Variants in TRPC4 observed in about 807,000 individuals in gnomAD.
TRPC4 encodes the protein transient receptor potential cation channel subfamily C member 4.
In TRPC4, 49 loss-of-function variants were observed where a neutral mutation model predicts 99.4. The ratio of observed to expected loss-of-function variants is 0.49; its 90% CI spans 0.39 to 0.63. The LOEUF is 0.63. Ranked by LOEUF, TRPC4 falls within the 20% of genes least tolerant of loss-of-function variation. The pLI is 0.00. For synonymous variants in TRPC4, 454 were observed against 425.9 expected, an observed-to-expected ratio of 1.07 and a Z score of -0.81; for missense variants, 898 against 1,152.9, an observed-to-expected ratio of 0.78 and a Z score of 3.20.
In TRPC4 at chr13:37,707,309, C is replaced by A. The variant is rs114983517; in HGVS notation, c.898-14974G>T. 5.1e-3 allele frequency among the ~76,000 whole-genome samples: 778 copies of A among 152,224 alleles called. 10 individuals are homozygous for A. The highest frequency in any genetic ancestry group is 0.018 in the African/African-American group (755 of 41,534). ...TAGAACATATATGAATAGACTAAAG[C>A]AACTTGTATGTTTTGAGTAGGAAAC... On this transcript the variant is annotated intron_variant, in intron 3 of 10. Coordinates refer to ENST00000379705, the MANE Select transcript of TRPC4 (RefSeq NM_016179.4).
At chr13:37,828,043 C>G (rs879404639) in intron 1 of TRPC4, among the ~76,000 whole-genome samples, 1 of 152,158 alleles carries the variant, frequency 6.6e-6, no homozygotes, top group African/African-American at 2.4e-5. Context: ...TTCCAGGTGC[C>G]GTCCGTCACC....
intron 8 of TRPC4, among the ~76,000 whole-genome samples, chr13:37,646,543 C>T (rs1593425044): frequency 6.6e-6 from 1 of 152,050 alleles, no homozygotes; most frequent in African/African-American, 2.4e-5. Context: ...AGCCTGGCTT[C>T]GTTTTAGCTT....
chr13:37,808,845 C>A (rs1333367), intron 1 of TRPC4, among the ~76,000 whole-genome samples: 4 of 151,710 alleles, frequency 2.6e-5, no homozygotes, highest in East Asian at 1.9e-4. Context: ...TAATAAATAC[C>A]CAGCATGCTA....
chr13:37,656,760 AG>A (rs1378407414), intron 6 of TRPC4, among the ~76,000 whole-genome samples: 2 of 152,190 alleles, frequency 1.3e-5, no homozygotes, highest in Non-Finnish European at 2.9e-5. Context: ...ACTAAGAAGC[AG>A]AGAATTGAGG....
chr13:37,731,747 T>A (rs564681679), intron 3 of TRPC4, among the ~76,000 whole-genome samples: 1 of 152,250 alleles, frequency 6.6e-6, no homozygotes, highest in African/African-American at 2.4e-5. Flanking sequence ...ATTCCTTTCA[T>A]TAAAATAGTT....
At chr13:37,866,860 T>TGGGGGGG in intron 1 of TRPC4, among the ~76,000 whole-genome samples, 1 of 78,694 alleles carries the variant, frequency 1.3e-5, no homozygotes, top group South Asian at 3.8e-4. Context: ...GGGGGGCGGG[T>TGGGGGGG]ATAGGGTATA....
chr13:37,710,667 A>G (rs1019632157), intron 3 of TRPC4, among the ~76,000 whole-genome samples: 9 of 151,924 alleles, frequency 5.9e-5, no homozygotes, highest in African/African-American at 2.2e-4. Flanking sequence ...TTCTACTTCC[A>G]AACACATTAT....
At chr13:37,666,879 C>T (rs1952662235) in intron 5 of TRPC4, among the ~76,000 whole-genome samples, 1 of 152,122 alleles carries the variant, frequency 6.6e-6, no homozygotes, top group Admixed American at 6.5e-5. Flanking sequence ...TGGGTGTTTT[C>T]CAGGATTTCA....
At chr13:37,818,375 T>C (rs546522355) in intron 1 of TRPC4, among the ~76,000 whole-genome samples, 5 of 152,182 alleles carry the variant, frequency 3.3e-5, no homozygotes, top group Non-Finnish European at 5.9e-5. Context: ...AGTTCAACCA[T>C]TGGGGAAGAC....
intron 1 of TRPC4, among the ~76,000 whole-genome samples, chr13:37,823,224 C>T (rs1354584068): frequency 3.4e-5 from 5 of 148,206 alleles, no homozygotes; most frequent in African/African-American, 1.2e-4. Flanking sequence ...TGTAGGTTGC[C>T]TGTTCACTCT....
Position 37,842,731 on chromosome 13 carries a change from A to G in TRPC4, c.-28+26864T>C, listed in dbSNP as rs183448295. 8.5e-5 allele frequency among the ~76,000 whole-genome samples: 13 copies of G among 152,306 alleles called. 1 individual carries two copies. In the East Asian group the frequency reaches 2.5e-3, roughly 29 times the overall value. On this transcript the variant is annotated intron_variant, in intron 1 of 10. Transcript: ENST00000379705. ...CCCCTCATGACCCAATAACTTTCCA[A>G]AGGCCTCACCTCCTAATACCATCAC...
chr13:37,728,096 T>C (rs1362810875), intron 3 of TRPC4, among the ~76,000 whole-genome samples: 1 of 151,912 alleles, frequency 6.6e-6, no homozygotes, highest in East Asian at 1.9e-4. Context: ...TACTCAATGG[T>C]GAAAGACTAA....
intron 4 of TRPC4, among the ~76,000 whole-genome samples, chr13:37,679,243 G>T (rs1466005962): frequency 6.6e-6 from 1 of 152,020 alleles, no homozygotes; most frequent in Non-Finnish European, 1.5e-5. Flanking sequence ...GCCTCCTGTG[G>T]TGGTTATTAC....
intron 1 of TRPC4, among the ~76,000 whole-genome samples, chr13:37,847,602 T>C (rs889949425): frequency 6.6e-6 from 1 of 152,118 alleles, no homozygotes; most frequent in Admixed American, 6.6e-5. Flanking sequence ...TTTATAGATG[T>C]ATCAGAACAT....
intron 1 of TRPC4, among the ~76,000 whole-genome samples, chr13:37,805,580 A>T (rs1957510468): frequency 6.6e-6 from 1 of 151,964 alleles, no homozygotes; most frequent in Admixed American, 6.6e-5. Flanking sequence ...TCTTCTCTTG[A>T]TGTTATCTGA....
chr13:37,753,330 T>C (rs956199814), intron 2 of TRPC4, among the ~76,000 whole-genome samples: 11 of 152,136 alleles, frequency 7.2e-5, no homozygotes, highest in African/African-American at 2.4e-4. Flanking sequence ...AGCATTATTT[T>C]ATAAATATTG....
chr13:37,848,176 TAAAGA>T (rs1344554201), intron 1 of TRPC4, among the ~76,000 whole-genome samples: 2 of 152,064 alleles, frequency 1.3e-5, no homozygotes, highest in Non-Finnish European at 2.9e-5. Flanking sequence ...TGTTTCACCA[TAAAGA>T]AAATAGATAA....
Position 37,634,489 on chromosome 13 carries a change from C to T in TRPC4, c.*2414G>A, listed in dbSNP as rs1951461267. ...ACTGAAAAGGAGGGTCTTACTTGCT[C>T]CAAATACATTCCTCTATTACCATCA... On this transcript the variant is annotated 3_prime_UTR_variant, in exon 11 of 11. Transcript: ENST00000379705. Among the ~76,000 whole-genome samples, 1 of 151,962 alleles carries T rather than the reference C, an allele frequency of 6.6e-6. No individual in the cohort carries two copies. Among genetic ancestry groups the T allele is most frequent in the Non-Finnish European group, 1.5e-5 (1 of 67,962 alleles).
rs557062474 is a variant in TRPC4 at position 37,691,380 on chromosome 13, A to G, written c.1234+619T>C. Among the ~76,000 whole-genome samples the G allele has an allele frequency of 5.9e-5, 9 of 152,348 alleles. No homozygotes were observed. In the South Asian group the frequency reaches 1.7e-3, roughly 28 times the overall value. ...CGGCCTCCCAAAGTGCTGGGATTAC[A>G]GGCATGAGCCACTGCACCCGGCGGG... On this transcript the variant is annotated intron_variant, in intron 4 of 10. Coordinates refer to ENST00000379705, the MANE Select transcript of TRPC4 (RefSeq NM_016179.4).
Sources: allele counts gnomAD v4.1 joint callset (sites outside exome capture counted in the v4.1 genomes callset), GRCh38; gene constraint gnomAD v4.1.1; transcripts MANE v1.5; gene names NCBI Gene and HGNC (gene_info 2026-07-23, HGNC 2026-07-21).